Variants in DNAJC15 observed in about 807,000 individuals in gnomAD.
DNAJC15 encodes dnaJ homolog subfamily C member 15.
A neutral mutation model predicts 22.4 loss-of-function variants in DNAJC15; 27 were observed. That is an observed-to-expected ratio of 1.20 (90% CI 0.89 to 1.66). The LOEUF (loss-of-function observed/expected upper bound fraction) is 1.66, where lower values mean the gene tolerates loss of function less well. DNAJC15 is among the 40% of genes most tolerant of loss of function. DNAJC15 has a pLI of 0.00. For missense variants in DNAJC15, 208 were observed against 187.1 expected (o/e 1.11, Z -0.65); for synonymous variants, 79 against 63.2 (o/e 1.25, Z -1.19).
chr13:43,029,041 T>C (rs1348722337), intron 1 of DNAJC15, among the ~76,000 whole-genome samples: 3 of 152,252 alleles, frequency 2.0e-5, no homozygotes, highest in Admixed American at 1.3e-4. Context: ...AGCTATTAAC[T>C]TCTATTATTA....
At chr13:43,107,150 T>A in intron 5 of DNAJC15, 28 bp from the exon 6 acceptor site, 2 of 1,534,510 alleles carry the variant, frequency 1.3e-6, no homozygotes, top group Non-Finnish European at 1.7e-6. Flanking sequence ...TGAAATGTAT[T>A]TTAATTCATT....
At chr13:43,043,200 C>T (rs562129971) in intron 1 of DNAJC15, among the ~76,000 whole-genome samples, 5 of 152,314 alleles carry the variant, frequency 3.3e-5, no homozygotes, top group Admixed American at 6.5e-5. Context: ...CTCCGTCTCC[C>T]GGGTTCAAGC....
At position 43,107,191 on chromosome 13, in the gene DNAJC15, C is replaced by A. The variant is rs147456352; in HGVS notation, c.396C>A (p.Tyr132Ter). ...LNHPDKGGSP[Y>*]VAAKINEAKD... ...TTGTTCTCTCAGGTGGATCTCCTTA[C>A]GTAGCAGCCAAAATAAATGAAGCAA... Residue 132 changes from tyrosine to a stop codon, truncating the protein, a stop_gained, in exon 6 of 6, where the codon TAC (tyrosine) becomes TAA (stop). Transcript: ENST00000379221. LOFTEE classifies it high-confidence loss of function. 3.1e-6 allele frequency: 5 copies of A among 1,587,604 alleles called. No homozygotes were observed. Among genetic ancestry groups the A allele is most frequent in the Middle Eastern group, 1.7e-4 (1 of 5,732 alleles).
intron 4 of DNAJC15, among the ~76,000 whole-genome samples, chr13:43,083,155 T>C (rs1272186166): frequency 6.6e-6 from 1 of 152,046 alleles, no homozygotes; most frequent in Non-Finnish European, 1.5e-5. Context: ...GTACGATATA[T>C]AATCCTAATT....
chr13:43,081,493 C>T (rs1287371447), intron 4 of DNAJC15, among the ~76,000 whole-genome samples: 5 of 151,362 alleles, frequency 3.3e-5, no homozygotes, highest in Admixed American at 2.0e-4. Flanking sequence ...GGCTGGAGTA[C>T]AGTGGCACGA....
In DNAJC15 at chr13:43,050,410, A is replaced by T. The variant is rs529058791; in HGVS notation, c.109-15276A>T. ...GGCCTCAATCTCCTGGGCTCAAGCA[A>T]TCCTTCCACTTCAGGCTCCCAAGCA... On this transcript the variant is annotated intron_variant, in intron 1 of 5. Coordinates refer to ENST00000379221, the MANE Select transcript of DNAJC15 (RefSeq NM_013238.3). 3.9e-5 allele frequency among the ~76,000 whole-genome samples: 6 copies of T among 152,032 alleles called. No homozygotes were observed. The East Asian group carries it at 1.2e-3, about 30-fold the overall frequency.
chr13:43,101,711 T>C (rs1480229288), intron 5 of DNAJC15, among the ~76,000 whole-genome samples: 4 of 152,224 alleles, frequency 2.6e-5, no homozygotes, highest in African/African-American at 9.6e-5. Context: ...GGAGTTACTT[T>C]GCATAGAATA....
In DNAJC15 at chr13:43,065,714, G is replaced by T. The variant is rs1410110373; in HGVS notation, c.137G>T (p.Gly46Val). ...LVRSLIAVGL[G>V]VAALAFAGRY... ...AGAAGTTTGATAGCTGTAGGACTGG[G>T]TGTTGCAGCTCTTGCATTTGCAGGT... is the stretch of plus-strand genomic sequence containing the variant. Residue 46 changes from glycine (G) to valine (V), a missense_variant, in exon 2 of 6, where the codon GGT (glycine) becomes GTT (valine). Transcript: ENST00000379221. 1 of 1,613,126 alleles carries T rather than the reference G, an allele frequency of 6.2e-7. No homozygotes were observed. The highest frequency in any genetic ancestry group is 8.5e-7 in the Non-Finnish European group (1 of 1,179,712).
In DNAJC15 at chr13:43,110,487, G is replaced by A. The variant is rs959131720; in HGVS notation, c.*3239G>A. ...TTTTTTTCCCCCTTGAGTCTGTGAA[G>A]GCATTACTTAAGAACAAAGTCAGGC... On this transcript the variant is annotated 3_prime_UTR_variant, in exon 6 of 6. Transcript: ENST00000379221. 4 of 152,094 alleles carry A rather than the reference G, an allele frequency of 2.6e-5. No homozygotes were observed. Among genetic ancestry groups the A allele is most frequent in the Admixed American group, 6.6e-5 (1 of 15,256 alleles). 9.4% of individuals were successfully genotyped at this position (152,094 alleles called of 1,614,324 possible). A position where few individuals can be genotyped will look rare whatever the true frequency, so the allele number is the denominator to read the frequency against.
intron 5 of DNAJC15, among the ~76,000 whole-genome samples, chr13:43,100,634 A>G (rs1453353566): frequency 1.3e-5 from 2 of 152,144 alleles, no homozygotes; most frequent in African/African-American, 4.8e-5. Flanking sequence ...CGGAGAATAC[A>G]GTGTATTATT....
chr13:43,048,325 CAAAAA>C (rs766125510), intron 1 of DNAJC15, among the ~76,000 whole-genome samples: 1 of 130,362 alleles, frequency 7.7e-6, no homozygotes, highest in Non-Finnish European at 1.7e-5. Flanking sequence ...ACTAAAAATA[CAAAAA>C]AAAAAAAAAA....
chr13:43,040,513 C>T (rs1248812488), intron 1 of DNAJC15, among the ~76,000 whole-genome samples: 1 of 152,136 alleles, frequency 6.6e-6, no homozygotes, highest in Non-Finnish European at 1.5e-5. Context: ...AAATATTCTG[C>T]AGGCCTAGTC....
In DNAJC15 at chr13:43,065,713, G is replaced by A. The variant is rs531388956; in HGVS notation, c.136G>A (p.Gly46Ser). The change falls in exon 2 of 6, where the codon GGT (glycine) becomes AGT (serine). Residue 46 changes from glycine (G) to serine (S), a missense_variant. Transcript: ENST00000379221. ...LVRSLIAVGL[G>S]VAALAFAGRY... ...AAGAAGTTTGATAGCTGTAGGACTG[G>A]GTGTTGCAGCTCTTGCATTTGCAGG... 6.2e-7 allele frequency: 1 copy of A among 1,613,008 alleles called. No homozygotes were observed. Among genetic ancestry groups the A allele is most frequent in the Admixed American group, 1.7e-5 (1 of 59,990 alleles).
Position 43,108,413 on chromosome 13 carries a change from T to C in DNAJC15, c.*1165T>C, listed in dbSNP as rs1409549960. 1.3e-5 allele frequency: 2 copies of C among 152,178 alleles called. No homozygotes were observed. The highest frequency in any genetic ancestry group is 2.9e-5 in the Non-Finnish European group (2 of 68,020). The allele number at this position is 152,178 out of a possible 1,614,324, so 9.4% of individuals were successfully genotyped here. A position where few individuals can be genotyped will look rare whatever the true frequency, so the allele number is the denominator to read the frequency against. On this transcript the variant is annotated 3_prime_UTR_variant, in exon 6 of 6. Coordinates refer to ENST00000379221, the MANE Select transcript of DNAJC15 (RefSeq NM_013238.3). ...ACATAGTCCCTGATCATTATCACTT[T>C]ACTATTCCAAAGGTGAGAGAACAGA...
chr13:43,078,018 G>C (rs1314607821), intron 3 of DNAJC15, among the ~76,000 whole-genome samples: 1 of 152,144 alleles, frequency 6.6e-6, no homozygotes, highest in Non-Finnish European at 1.5e-5. Context: ...CAGTGCTCTG[G>C]CTTCTCCTCC....
intron 5 of DNAJC15, among the ~76,000 whole-genome samples, chr13:43,094,494 G>C (rs752652266): frequency 5.3e-5 from 8 of 152,158 alleles, no homozygotes; most frequent in Non-Finnish European, 1.0e-4. Flanking sequence ...GGTTCCAGCT[G>C]GGTTTCTGGG....
chr13:43,074,404 T>C (rs546079819), intron 3 of DNAJC15, among the ~76,000 whole-genome samples: 95 of 152,284 alleles, frequency 6.2e-4, no homozygotes, highest in African/African-American at 2.2e-3. Flanking sequence ...ATTTGTAAGG[T>C]CCAGGATGTG....
At chr13:43,072,527 C>G (rs368579371) in intron 3 of DNAJC15, among the ~76,000 whole-genome samples, 1 of 151,512 alleles carries the variant, frequency 6.6e-6, no homozygotes, top group African/African-American at 2.4e-5. Flanking sequence ...CCAGGTTGGC[C>G]TTTAGCAATG....
chr13:43,040,314 T>C (rs2040447623), intron 1 of DNAJC15, among the ~76,000 whole-genome samples: 2 of 152,246 alleles, frequency 1.3e-5, no homozygotes, highest in South Asian at 4.1e-4. Context: ...TTTAAAATAT[T>C]TTTTCTGGCT....
Sources: gnomAD v4.1 joint callset for allele counts (sites outside exome capture counted in the v4.1 genomes callset) on GRCh38, gnomAD v4.1.1 for gene constraint, MANE v1.5 for transcripts, NCBI Gene and HGNC (gene_info 2026-07-23, HGNC 2026-07-21) for gene names.